Variants in MSRB3 observed in about 807,000 individuals in gnomAD.
The protein encoded by MSRB3 is methionine sulfoxide reductase B3.
Under a neutral mutation model 21.0 loss-of-function variants are expected in MSRB3, and 13 were observed. That is an observed-to-expected ratio of 0.62 (90% CI 0.40 to 0.98). The LOEUF is 0.98. MSRB3 is among the 50% of genes least tolerant of loss of function. MSRB3 has a pLI of 0.00. For synonymous variants in MSRB3, 87 were observed against 88.6 expected (o/e 0.98, Z 0.10); for missense variants, 199 against 230.3 (o/e 0.86, Z 0.88).
chr12:65,399,508 A>T (rs1382956212), intron 5 of MSRB3, among the ~76,000 whole-genome samples: 1 of 152,184 alleles, frequency 6.6e-6, no homozygotes, highest in Non-Finnish European at 1.5e-5. Flanking sequence ...TTGGGCTGAG[A>T]TGATGAGGTT....
chr12:65,373,397 A>G (rs1445366043), intron 5 of MSRB3, among the ~76,000 whole-genome samples: 1 of 152,184 alleles, frequency 6.6e-6, no homozygotes, highest in Non-Finnish European at 1.5e-5. Flanking sequence ...ACTGGATGTG[A>G]AGGACAGCTT....
rs140440046 is a variant in MSRB3, at chr12:65,421,176, A to T, written c.293-32552A>T. The stretch of plus-strand genomic sequence containing the variant: ...TCCTTTCTGACTCATGTGAGGTGGT[A>T]TCTCATTGTGGTTTTGATTTGCATT... On this transcript the variant is annotated intron_variant, in intron 5 of 6. Coordinates refer to ENST00000308259, the MANE Select transcript of MSRB3 (RefSeq NM_001031679.3). 2.8e-3 allele frequency among the ~76,000 whole-genome samples: 422 copies of T among 152,264 alleles called. 3 individuals are homozygous for T. The highest frequency in any genetic ancestry group is 9.5e-3 in the African/African-American group (394 of 41,550).
intron 4 of MSRB3, among the ~76,000 whole-genome samples, chr12:65,341,474 T>A (rs1188280619): frequency 6.6e-6 from 1 of 151,184 alleles, no homozygotes; most frequent in Non-Finnish European, 1.5e-5. Flanking sequence ...AACAAAAAAT[T>A]GAAAAACTAA....
At chr12:65,445,101 A>G (rs1446396261) in intron 5 of MSRB3, among the ~76,000 whole-genome samples, 1 of 152,148 alleles carries the variant, frequency 6.6e-6, no homozygotes, top group African/African-American at 2.4e-5. Flanking sequence ...CTCTAGCATG[A>G]TTCAGCTAGT....
At chr12:65,420,943 G>A (rs1358936693) in intron 5 of MSRB3, among the ~76,000 whole-genome samples, 2 of 152,136 alleles carry the variant, frequency 1.3e-5, no homozygotes, top group African/African-American at 4.8e-5. Context: ...GTGTGCATGT[G>A]TCTTTATGGT....
At chr12:65,315,344 T>C (rs1874221886) in intron 2 of MSRB3, among the ~76,000 whole-genome samples, 1 of 152,120 alleles carries the variant, frequency 6.6e-6, no homozygotes, top group South Asian at 2.1e-4. Flanking sequence ...TATTTACGCT[T>C]GTATTAGTAA....
intron 1 of MSRB3, among the ~76,000 whole-genome samples, chr12:65,297,425 G>T (rs535565332): frequency 3.3e-4 from 50 of 152,236 alleles, no homozygotes; most frequent in African/African-American, 1.2e-3. Context: ...TGAGATGGAG[G>T]ATATGGGTCA....
intron 5 of MSRB3, among the ~76,000 whole-genome samples, chr12:65,386,999 T>G (rs1879226251): frequency 6.6e-6 from 1 of 152,046 alleles, no homozygotes; most frequent in Non-Finnish European, 1.5e-5. Flanking sequence ...TGATATTTCT[T>G]GGTCTTATCT....
chr12:65,436,026 C>T (rs1402958511), intron 5 of MSRB3, among the ~76,000 whole-genome samples: 1 of 151,662 alleles, frequency 6.6e-6, no homozygotes, highest in Admixed American at 6.6e-5. Context: ...GGTAGTACAC[C>T]CCAGGTAGGA....
intron 5 of MSRB3, among the ~76,000 whole-genome samples, chr12:65,411,901 C>G (rs1397074004): frequency 6.6e-6 from 1 of 151,386 alleles, no homozygotes; most frequent in Admixed American, 6.6e-5. Context: ...TTTACAGGAA[C>G]AGAATGCTAG....
intron 1 of MSRB3, among the ~76,000 whole-genome samples, chr12:65,298,313 A>G (rs1389053606): frequency 6.6e-6 from 1 of 152,170 alleles, no homozygotes; most frequent in Non-Finnish European, 1.5e-5. Flanking sequence ...TGATGGGACT[A>G]CTTTCTAACA....
At chr12:65,361,032 A>C (rs562362156) in intron 4 of MSRB3, among the ~76,000 whole-genome samples, 53 of 152,200 alleles carry the variant, frequency 3.5e-4, no homozygotes, top group African/African-American at 1.2e-3. Context: ...CTCACATAAG[A>C]TCTTAACCAA....
intron 1 of MSRB3, among the ~76,000 whole-genome samples, chr12:65,282,676 G>GTTTTTTTTTTTT (rs796149617): frequency 3.0e-5 from 4 of 133,768 alleles, no homozygotes; most frequent in African/African-American, 5.5e-5. Context: ...CTTTGCTGGT[G>GTTTTTTTTTTTT]TTTTTTTTTT....
intron 5 of MSRB3, among the ~76,000 whole-genome samples, chr12:65,388,092 T>C (rs777286761): frequency 6.6e-6 from 1 of 152,236 alleles, no homozygotes; most frequent in South Asian, 2.1e-4. Context: ...TAGCATTCAC[T>C]GTTGTTGAAG....
intron 5 of MSRB3, among the ~76,000 whole-genome samples, chr12:65,414,707 A>C (rs1880885993): frequency 6.6e-6 from 1 of 152,240 alleles, no homozygotes; most frequent in Non-Finnish European, 1.5e-5. Context: ...TAATTTAAAC[A>C]TGGAGCCAAT....
chr12:65,432,410 GA>G (rs910886260), intron 5 of MSRB3, among the ~76,000 whole-genome samples: 13 of 151,944 alleles, frequency 8.6e-5, no homozygotes, highest in Non-Finnish European at 1.6e-4. Context: ...TAAAAGGGGG[GA>G]AAAGCTTGAT....
chr12:65,426,344 G>A (rs769683053), intron 5 of MSRB3, among the ~76,000 whole-genome samples: 9 of 151,912 alleles, frequency 5.9e-5, no homozygotes, highest in African/African-American at 1.2e-4. Context: ...TGGCAGTCCC[G>A]TCCTCCCCCT....
chr12:65,380,945 A>G lies in MSRB3; in HGVS notation c.292+11919A>G, dbSNP rs117908359. Reference sequence around the variant, plus strand: ...TTTTAGTCATACACCCTATTCCCACATGACATACTTGCTCACACAGTCACA... The same window carrying G: ...TTTTAGTCATACACCCTATTCCCACGTGACATACTTGCTCACACAGTCACA... On this transcript the variant is annotated intron_variant, in intron 5 of 6. Transcript: ENST00000308259. Among the ~76,000 whole-genome samples the G allele has an allele frequency of 3.6e-3, 541 of 152,280 alleles. 2 individuals are homozygous for G. Among genetic ancestry groups the G allele is most frequent in the Non-Finnish European group, 6.1e-3 (413 of 68,018 alleles).
In MSRB3 at chr12:65,338,517, G is replaced by A. The variant is rs750643653; in HGVS notation, c.263+9914G>A. On this transcript the variant is annotated intron_variant, in intron 4 of 6. Coordinates refer to ENST00000308259, the MANE Select transcript of MSRB3 (RefSeq NM_001031679.3). ...TCTCACCTAAGGGAGTGATGACGAC[G>A]TCTATGGCTAGGACCTTTAACAACA... Among the ~76,000 whole-genome samples, 9 of 152,082 alleles carry A rather than the reference G, an allele frequency of 5.9e-5. No individual in the cohort carries two copies. The East Asian group carries it at 7.7e-4, about 13-fold the overall frequency.
Sources: allele counts gnomAD v4.1 joint callset (sites outside exome capture counted in the v4.1 genomes callset), GRCh38; gene constraint gnomAD v4.1.1; transcripts MANE v1.5; gene names NCBI Gene and HGNC (gene_info 2026-07-23, HGNC 2026-07-21).